Variants in SMAD9 observed in about 807,000 individuals in gnomAD.
SMAD9 encodes SMAD family member 9.
A neutral mutation model predicts 46.1 loss-of-function variants in SMAD9; 36 were observed. The observed-to-expected ratio is 0.78, with a 90% confidence interval of 0.60 to 1.03. The LOEUF is 1.03. Ranked by LOEUF, SMAD9 falls within the 50% of genes least tolerant of loss-of-function variation. The probability of loss-of-function intolerance (pLI) is 0.00; values close to 1 mark genes in which losing one functional copy is unlikely to be tolerated. For synonymous variants in SMAD9, 245 were observed against 237.1 expected (o/e 1.03, Z -0.31); for missense variants, 572 against 599.8 (o/e 0.95, Z 0.48).
chr13:36,886,031 G>A (rs1300343935), intron 1 of SMAD9, among the ~76,000 whole-genome samples: 1 of 152,038 alleles, frequency 6.6e-6, no homozygotes, highest in African/African-American at 2.4e-5. Context: ...GGGGAGAGAG[G>A]CAGATGGCCA....
chr13:36,916,998 G>A (rs2058703373), intron 1 of SMAD9, among the ~76,000 whole-genome samples: 1 of 152,052 alleles, frequency 6.6e-6, no homozygotes. Context: ...GGGAAGATAA[G>A]CCTGGAAAAG....
Position 36,887,049 on chromosome 13 carries a change from T to TTG in SMAD9, c.-186-7175_-186-7174insCA, listed in dbSNP as rs1223586824. On this transcript the variant is annotated intron_variant, in intron 1 of 6. Transcript: ENST00000379826. ...GGGAGCCTTTGAATGGGTTTTTTTT[T>TTG]TTTTTTTTTTTTTTGTAGAGACGAG... 4.7e-5 allele frequency among the ~76,000 whole-genome samples: 6 copies of TTG among 127,768 alleles called. No individual in the cohort carries two copies. The East Asian group carries it at 1.5e-3, about 32-fold the overall frequency. 83.8% of individuals were successfully genotyped at this position (127,768 alleles called of 152,430 possible).
intron 1 of SMAD9, among the ~76,000 whole-genome samples, chr13:36,882,134 A>T: frequency 6.6e-6 from 1 of 151,958 alleles, no homozygotes; most frequent in Non-Finnish European, 1.5e-5. Flanking sequence ...TTGCACAAAC[A>T]ACAAAACAAA....
At position 36,865,636 on chromosome 13, in the gene SMAD9, T is replaced by G; in HGVS notation, c.904A>C (p.Thr302Pro). 1 of 1,614,166 alleles carries G rather than the reference T, an allele frequency of 6.2e-7. No individual in the cohort carries two copies. The highest frequency in any genetic ancestry group is 8.5e-7 in the Non-Finnish European group (1 of 1,179,978). Residue 302 changes from threonine (T) to proline (P), a missense_variant, in exon 5 of 7, where the codon ACC becomes CCC. Physicochemically the swap from Thr to Pro is conservative, Grantham distance 38. Transcript: ENST00000379826. ...SSRSVLIDGF[T>P]DPSNNRNRFC... ...CTGTTCCTGTTATTTGAAGGGTCGG[T>G]GAACCCATCTATGAGCACACTTCGG... is the stretch of plus-strand genomic sequence containing the variant.
intron 6 of SMAD9, chr13:36,851,757 C>T (rs2058076591): frequency 1.0e-6 from 1 of 968,760 alleles, no homozygotes; most frequent in Non-Finnish European, 1.2e-6. Flanking sequence ...GTTATATTTA[C>T]TATGTATTTA....
At chr13:36,853,910 G>T (rs937337258) in intron 5 of SMAD9, among the ~76,000 whole-genome samples, 6 of 152,176 alleles carry the variant, frequency 3.9e-5, no homozygotes, top group African/African-American at 1.4e-4. Flanking sequence ...TGTAATCCCA[G>T]CACTTTGGAA....
intron 6 of SMAD9, chr13:36,851,763 A>G (rs921537568): frequency 1.3e-5 from 13 of 970,750 alleles, no homozygotes; most frequent in Non-Finnish European, 1.5e-5. Context: ...TTTACTATGT[A>G]TTTATTTTAA....
At chr13:36,862,688 T>A (rs1344242974) in intron 5 of SMAD9, among the ~76,000 whole-genome samples, 1 of 152,242 alleles carries the variant, frequency 6.6e-6, no homozygotes. Context: ...TTTACCTCTC[T>A]AATAAACTTG....
At chr13:36,915,555 G>C (rs1467821829) in intron 1 of SMAD9, among the ~76,000 whole-genome samples, 1 of 152,130 alleles carries the variant, frequency 6.6e-6, no homozygotes, top group African/African-American at 2.4e-5. Flanking sequence ...AAGAGAGAGA[G>C]AGAGAGAGAA....
chr13:36,879,662 G>C lies in SMAD9; in HGVS notation c.28C>G (p.Leu10Val). 6.2e-7 allele frequency: 1 copy of C among 1,614,204 alleles called. No homozygotes were observed. The highest frequency in any genetic ancestry group is 8.5e-7 in the Non-Finnish European group (1 of 1,180,040). The change falls in exon 2 of 7, where the codon CTC (leucine) becomes GTC (valine). Residue 10 changes from leucine to valine, a missense_variant. Leu to Val is a conservative substitution (Grantham distance 32, BLOSUM62 1). Transcript: ENST00000379826. ...ACTGCGGGGCTGGTGAAGGAGAAGAGGGAGCTGATGGGGGTGGTGGAGTGC... is the reference window on the plus strand; with the variant it reads ...ACTGCGGGGCTGGTGAAGGAGAAGACGGAGCTGATGGGGGTGGTGGAGTGC... MHSTTPISS[L>V]FSFTSPAVKR...
chr13:36,872,791 G>C lies in SMAD9; in HGVS notation c.537C>G (p.Asp179Glu), dbSNP rs765643713. 19 of 1,614,012 alleles carry C rather than the reference G, an allele frequency of 1.2e-5. No individual in the cohort carries two copies. The highest frequency in any genetic ancestry group is 5.5e-5 in the South Asian group (5 of 91,088). ...CAGAGCACGGAGGCTGCTGGAAAGA[G>C]TCAGGATAGGTGGCGTTGTGTGGCA... The part of the protein sequence containing the change: ...PLMPHNATYP[D>E]SFQQPPCSAL... The change falls in exon 3 of 7, where the codon GAC becomes GAG. Residue 179 changes from aspartate (D) to glutamate (E), a missense_variant. Transcript: ENST00000379826.
intron 4 of SMAD9, 135 bp from the exon 5 acceptor site, chr13:36,865,893 C>G: frequency 1.4e-6 from 1 of 721,390 alleles, no homozygotes; most frequent in East Asian, 2.7e-5. Flanking sequence ...GCTCTGCAAT[C>G]TTTTAGAACC....
At chr13:36,874,783 A>G (rs1175379028) in intron 2 of SMAD9, among the ~76,000 whole-genome samples, 10 of 144,524 alleles carry the variant, frequency 6.9e-5, no homozygotes, top group African/African-American at 2.6e-4. Flanking sequence ...GCGTGAACCC[A>G]GGAGGCGGAG....
rs140529206 is a variant in SMAD9, at chr13:36,870,767, A to G, written c.670+1891T>C. Among the ~76,000 whole-genome samples, 142 of 144,030 alleles carry G rather than the reference A, an allele frequency of 9.9e-4. No individual in the cohort carries two copies. In the East Asian group the frequency reaches 0.027, roughly 27 times the overall value. The allele number at this position is 144,030 out of a possible 152,430, so 94.5% of individuals were successfully genotyped here. A position where few individuals can be genotyped will look rare whatever the true frequency, so the allele number is the denominator to read the frequency against. On this transcript the variant is annotated intron_variant, in intron 3 of 6. Transcript: ENST00000379826. ...TATAAATTAAACACAGTAAGAGATT[A>G]GGAACAGTAACTAATAATAAAGTAA...
chr13:36,859,253 G>A (rs1246581963), intron 5 of SMAD9, among the ~76,000 whole-genome samples: 4 of 152,064 alleles, frequency 2.6e-5, no homozygotes, highest in African/African-American at 9.7e-5. Context: ...TTTGAGACAG[G>A]GAAGTGAAAT....
At chr13:36,900,580 CTATCT>C (rs2058566045) in intron 1 of SMAD9, among the ~76,000 whole-genome samples, 2 of 151,704 alleles carry the variant, frequency 1.3e-5, no homozygotes. Context: ...GCTTGGCCGA[CTATCT>C]TATTTTAAAC....
intron 1 of SMAD9, among the ~76,000 whole-genome samples, chr13:36,909,665 T>C (rs1262244315): frequency 6.6e-6 from 1 of 152,204 alleles, no homozygotes; most frequent in Admixed American, 6.5e-5. Context: ...AAGACTCCAG[T>C]CTGAGTGCTA....
intron 2 of SMAD9, among the ~76,000 whole-genome samples, chr13:36,874,590 G>A (rs956567093): frequency 2.6e-5 from 4 of 152,154 alleles, no homozygotes; most frequent in African/African-American, 7.2e-5. Flanking sequence ...GGGCATGGTG[G>A]CTCACACCTG....
At chr13:36,898,276 T>A (rs1393568172) in intron 1 of SMAD9, among the ~76,000 whole-genome samples, 1 of 152,004 alleles carries the variant, frequency 6.6e-6, no homozygotes, top group Admixed American at 6.6e-5. Context: ...GAAATTGAAT[T>A]CACAATTTAA....
Sources: allele counts gnomAD v4.1 joint callset (sites outside exome capture counted in the v4.1 genomes callset), GRCh38; gene constraint gnomAD v4.1.1; transcripts MANE v1.5; gene names NCBI Gene and HGNC (gene_info 2026-07-23, HGNC 2026-07-21).